Variants in DAB1 observed in about 807,000 individuals in gnomAD.
DAB1 encodes the protein DAB adaptor protein 1.
A neutral mutation model predicts 64.6 loss-of-function variants in DAB1; 15 were observed. The observed-to-expected ratio is 0.23, with a 90% confidence interval of 0.16 to 0.36. The LOEUF (loss-of-function observed/expected upper bound fraction) is 0.36, where lower values mean the gene tolerates loss of function less well. Among genes scored for constraint, DAB1 ranks in the 10% least tolerant of loss-of-function variants. The probability of loss-of-function intolerance (pLI) is 1.00; values close to 1 mark genes in which losing one functional copy is unlikely to be tolerated. For missense variants in DAB1, 596 were observed against 706.7 expected (o/e 0.84, Z 1.78); for synonymous variants, 235 against 251.9 (o/e 0.93, Z 0.64).
chr1:58,449,132 G>A (rs763549215), intron 3 of DAB1, among the ~76,000 whole-genome samples: 1 of 152,232 alleles, frequency 6.6e-6, no homozygotes, highest in South Asian at 2.1e-4. Flanking sequence ...AATTGGCCAA[G>A]CACAGGGGAA....
chr1:57,660,209 T>C lies in DAB1; in HGVS notation n.552-10544A>G, dbSNP rs146365680. 1.7e-3 allele frequency among the ~76,000 whole-genome samples: 260 copies of C among 152,254 alleles called. 1 individual carries two copies. The highest frequency in any genetic ancestry group is 2.9e-3 in the Non-Finnish European group (195 of 68,018). ...GAAAAGGAGACTGAGTTTGCATTCA[T>C]GGAGAGCCTCCTATATTCTAAGAAC... On this transcript the variant is annotated intron_variant and non_coding_transcript_variant, in intron 6 of 20. Coordinates refer to the DAB1 transcript ENST00000485760.
chr1:57,274,348 C>T (rs191893652), intron 2 of DAB1, among the ~76,000 whole-genome samples: 221 of 152,304 alleles, frequency 1.5e-3, no homozygotes, highest in African/African-American at 5.1e-3. Flanking sequence ...TGATGCTTCA[C>T]CACTTGTTCA....
At chr1:57,531,294 G>A (rs1156492136) in intron 7 of DAB1, among the ~76,000 whole-genome samples, 1 of 152,016 alleles carries the variant, frequency 6.6e-6, no homozygotes, top group Non-Finnish European at 1.5e-5. Context: ...CCCCTGCCCT[G>A]CCTGCAAGAG....
At chr1:57,910,522 G>A (rs1644626328) in intron 5 of DAB1, among the ~76,000 whole-genome samples, 1 of 152,038 alleles carries the variant, frequency 6.6e-6, no homozygotes, top group Non-Finnish European at 1.5e-5. Context: ...TCAACTGTGT[G>A]CTGCATGTAA....
intron 9 of DAB1, among the ~76,000 whole-genome samples, chr1:57,036,077 A>C (rs1411796575): frequency 6.6e-6 from 1 of 151,248 alleles, no homozygotes; most frequent in Admixed American, 6.6e-5. Flanking sequence ...TCCTGACCTC[A>C]GCCTTCCTCA....
At chr1:57,246,748 AG>A (rs1668911216) in intron 2 of DAB1, among the ~76,000 whole-genome samples, 1 of 152,258 alleles carries the variant, frequency 6.6e-6, no homozygotes, top group East Asian at 1.9e-4. Flanking sequence ...GCAGCGCTCC[AG>A]GGGCAGAGCT....
At chr1:57,599,599 GTACT>G (rs1645552525) in intron 7 of DAB1, among the ~76,000 whole-genome samples, 1 of 152,070 alleles carries the variant, frequency 6.6e-6, no homozygotes. Context: ...GGAGATAATC[GTACT>G]TACTGACAGT....
At chr1:58,399,802 G>A (rs1557749572) in intron 3 of DAB1, among the ~76,000 whole-genome samples, 1 of 152,162 alleles carries the variant, frequency 6.6e-6, no homozygotes, top group Non-Finnish European at 1.5e-5. Context: ...GAGGCTCAAA[G>A]TGGTGAAGCA....
intron 4 of DAB1, among the ~76,000 whole-genome samples, chr1:57,116,461 C>CAAAAAAAAAAAAAAAAA (rs61590002): frequency 1.4e-5 from 1 of 71,972 alleles, no homozygotes; most frequent in African/African-American, 5.5e-5. Context: ...GACTCTGTCT[C>CAAAAAAAAAAAAAAAAA]AAAAAAAAAA....
At chr1:57,115,979 C>T (rs61765320) in intron 4 of DAB1, among the ~76,000 whole-genome samples, 6,551 of 152,208 alleles carry the variant, frequency 0.043, 177 homozygotes, top group Admixed American at 0.072. Context: ...GTCATTCCTG[C>T]CTCCATAGTT....
At chr1:57,916,930 C>A (rs1346818533) in intron 5 of DAB1, among the ~76,000 whole-genome samples, 1 of 147,912 alleles carries the variant, frequency 6.8e-6, no homozygotes, top group Non-Finnish European at 1.5e-5. Flanking sequence ...GTGTCAAGAG[C>A]GAAACTCTGT....
At chr1:57,215,975 T>C (rs1297482585) in intron 2 of DAB1, among the ~76,000 whole-genome samples, 2 of 152,154 alleles carry the variant, frequency 1.3e-5, no homozygotes, top group Admixed American at 6.5e-5. Context: ...CCCCAACTGA[T>C]TGGAGGACCA....
intron 5 of DAB1, among the ~76,000 whole-genome samples, chr1:57,992,789 A>G (rs1456850870): frequency 2.6e-5 from 4 of 151,704 alleles, no homozygotes; most frequent in African/African-American, 4.8e-5. Flanking sequence ...TCACTGCTTG[A>G]TTGCCCTTAC....
intron 2 of DAB1, among the ~76,000 whole-genome samples, chr1:57,224,627 G>A (rs1667123313): frequency 6.6e-6 from 1 of 152,208 alleles, no homozygotes; most frequent in Non-Finnish European, 1.5e-5. Flanking sequence ...GGAAGGTCTG[G>A]AGCTCAATTA....
intron 1 of DAB1, chr1:57,880,942 C>T (rs1644134821): frequency 6.6e-6 from 1 of 152,064 alleles, no homozygotes; most frequent in African/African-American, 2.4e-5. Context: ...GGAATAATAA[C>T]TAAACAGTTT....
At chr1:58,508,914 T>C (rs1462848242) in intron 2 of DAB1, among the ~76,000 whole-genome samples, 1 of 152,146 alleles carries the variant, frequency 6.6e-6, no homozygotes, top group East Asian at 1.9e-4. Context: ...GACTGGCTTC[T>C]GTCTCATCTG....
chr1:57,383,313 C>T (rs138108287), intron 1 of DAB1, among the ~76,000 whole-genome samples: 5 of 152,254 alleles, frequency 3.3e-5, no homozygotes, highest in Non-Finnish European at 7.4e-5. Context: ...AGAGCCTGTT[C>T]ATGTCTGTCC....
intron 3 of DAB1, among the ~76,000 whole-genome samples, chr1:58,455,324 C>T (rs1434130039): frequency 6.6e-6 from 1 of 152,254 alleles, no homozygotes; most frequent in Admixed American, 6.5e-5. Context: ...AGGGTGGTTA[C>T]TCACCAACAC....
At chr1:58,209,042 G>A (rs988618027) in intron 4 of DAB1, among the ~76,000 whole-genome samples, 5 of 152,120 alleles carry the variant, frequency 3.3e-5, no homozygotes, top group Admixed American at 2.6e-4. Flanking sequence ...TGAGAGATAA[G>A]GAAGAGTTTT....
Sources: gnomAD v4.1 joint callset for allele counts (sites outside exome capture counted in the v4.1 genomes callset) on GRCh38, gnomAD v4.1.1 for gene constraint, MANE v1.5 for transcripts, NCBI Gene and HGNC (gene_info 2026-07-23, HGNC 2026-07-21) for gene names.